Variants in RANBP2 observed in about 807,000 individuals in gnomAD.
The protein encoded by RANBP2 is E3 SUMO-protein ligase RanBP2.
A neutral mutation model predicts 303.6 loss-of-function variants in RANBP2; 57 were observed. That is an observed-to-expected ratio of 0.19 (90% CI 0.15 to 0.23). The LOEUF (loss-of-function observed/expected upper bound fraction) is 0.23, where lower values mean the gene tolerates loss of function less well. RANBP2 is among the 10% of genes least tolerant of loss of function. The pLI, the probability that RANBP2 is intolerant of heterozygous loss-of-function variation, is 1.00. For missense variants in RANBP2, 3,138 were observed against 3,780.8 expected (o/e 0.83, Z 4.46); for synonymous variants, 1,167 against 1,301.5 (o/e 0.90, Z 2.23).
the RANBP2 span, chr2:109,567,734 T>C: frequency 7.7e-7 from 1 of 1,291,868 alleles, no homozygotes; most frequent in Non-Finnish European, 1.0e-6. Flanking sequence ...CAAGTGAAAG[T>C]GTATTAGCAG....
At chr2:109,423,765 G>A in the RANBP2 span, among the ~76,000 whole-genome samples, 5 of 152,134 alleles carry the variant, frequency 3.3e-5, no homozygotes, top group South Asian at 2.1e-4. Flanking sequence ...TGGCGGCACC[G>A]TCCTCAGGAT....
chr2:108,728,940 A>C (rs1188417483), intron 1 of RANBP2, among the ~76,000 whole-genome samples, 192 bp from the exon 2 acceptor site: 1 of 152,196 alleles, frequency 6.6e-6, no homozygotes, highest in Admixed American at 6.6e-5. Flanking sequence ...CGCTGCACCC[A>C]GCTCTATTTT....
At chr2:109,200,781 C>T in the RANBP2 span, among the ~76,000 whole-genome samples, 698 of 152,302 alleles carry the variant, frequency 4.6e-3, 5 homozygotes, top group African/African-American at 0.015. Flanking sequence ...CCTTTAGGGC[C>T]GGCTGAGCAC....
At chr2:109,192,852 C>T in the RANBP2 span, among the ~76,000 whole-genome samples, 1 of 152,308 alleles carries the variant, frequency 6.6e-6, no homozygotes, top group East Asian at 1.9e-4. Flanking sequence ...ATTTCTCCTG[C>T]ACCTGTTTCT....
chr2:109,188,003 C>T, the RANBP2 span, among the ~76,000 whole-genome samples: 1 of 152,216 alleles, frequency 6.6e-6, no homozygotes, highest in Non-Finnish European at 1.5e-5. Flanking sequence ...CGGGGGTTGC[C>T]TCTGCTCCAT....
chr2:108,940,639 C>T, the RANBP2 span, among the ~76,000 whole-genome samples: 1 of 152,226 alleles, frequency 6.6e-6, no homozygotes, highest in Non-Finnish European at 1.5e-5. Context: ...TGTGGAGTCA[C>T]GTGTAGAATA....
At chr2:109,001,156 T>C in the RANBP2 span, among the ~76,000 whole-genome samples, 2 of 152,190 alleles carry the variant, frequency 1.3e-5, no homozygotes, top group African/African-American at 2.4e-5. Context: ...GAATCAACTG[T>C]GCTGCGGGTG....
At chr2:108,846,646 C>A in the RANBP2 span, 1 of 1,142,752 alleles carries the variant, frequency 8.8e-7, no homozygotes, top group East Asian at 2.5e-5. Flanking sequence ...TACTGCATTC[C>A]AACCTGGGCA....
At chr2:109,101,292 C>T in the RANBP2 span, among the ~76,000 whole-genome samples, 74 of 152,158 alleles carry the variant, frequency 4.9e-4, no homozygotes, top group African/African-American at 1.5e-3. Flanking sequence ...TTTGAGAGAC[C>T]GAGGCAGGCA....
At chr2:109,074,990 C>A in the RANBP2 span, among the ~76,000 whole-genome samples, 1 of 122,506 alleles carries the variant, frequency 8.2e-6, no homozygotes, top group Non-Finnish European at 1.6e-5. Flanking sequence ...CACACCACTG[C>A]ACTCCAGCCT....
chr2:109,424,441 C>G, the RANBP2 span, among the ~76,000 whole-genome samples: 2 of 152,096 alleles, frequency 1.3e-5, no homozygotes, highest in Admixed American at 1.3e-4. Flanking sequence ...AACCTCATTT[C>G]ATCGCACTTC....
chr2:109,604,741 C>T, the RANBP2 span: 5 of 152,156 alleles, frequency 3.3e-5, no homozygotes, highest in Non-Finnish European at 7.3e-5. Context: ...AGGGACAACA[C>T]AGTAGTGGAA....
the RANBP2 span, among the ~76,000 whole-genome samples, chr2:108,951,078 C>T: frequency 1.3e-5 from 2 of 152,220 alleles, no homozygotes; most frequent in African/African-American, 4.8e-5. Flanking sequence ...TTATTTCTTG[C>T]ACTTGCTCAC....
At chr2:109,644,211 G>A in the RANBP2 span, among the ~76,000 whole-genome samples, 1 of 151,964 alleles carries the variant, frequency 6.6e-6, no homozygotes, top group African/African-American at 2.4e-5. Context: ...GGAGGCCGAG[G>A]CAGGAGAATC....
chr2:109,276,320 C>T, the RANBP2 span, among the ~76,000 whole-genome samples: 1 of 152,180 alleles, frequency 6.6e-6, no homozygotes, highest in African/African-American at 2.4e-5. Context: ...TGGGATTTGT[C>T]CTTTGAGCTA....
At chr2:109,702,133 C>T in the RANBP2 span, among the ~76,000 whole-genome samples, 1 of 152,206 alleles carries the variant, frequency 6.6e-6, no homozygotes, top group East Asian at 1.9e-4. Context: ...AGCTGGCCAC[C>T]CAGCAGCCCC....
chr2:109,704,817 C>T, the RANBP2 span, among the ~76,000 whole-genome samples: 1 of 152,112 alleles, frequency 6.6e-6, no homozygotes, highest in African/African-American at 2.4e-5. Flanking sequence ...TGCCATTGCA[C>T]TCCAGCCTGG....
At chr2:109,246,356 A>T in the RANBP2 span, among the ~76,000 whole-genome samples, 1 of 152,252 alleles carries the variant, frequency 6.6e-6, no homozygotes, top group Admixed American at 6.5e-5. Flanking sequence ...CTCCCATGGT[A>T]GAGGGGGCAA....
chr2:109,515,253 C>A, the RANBP2 span, among the ~76,000 whole-genome samples: 2 of 152,106 alleles, frequency 1.3e-5, no homozygotes, highest in Non-Finnish European at 2.9e-5. Context: ...TTGGCACACC[C>A]CTTGACGCCA....
Sources: gnomAD v4.1 joint callset for allele counts (sites outside exome capture counted in the v4.1 genomes callset) on GRCh38, gnomAD v4.1.1 for gene constraint, MANE v1.5 for transcripts, NCBI Gene and HGNC (gene_info 2026-07-23, HGNC 2026-07-21) for gene names.